PTPN3: variants seen among roughly 807,000 people sequenced by gnomAD.
PTPN3 encodes the protein protein tyrosine phosphatase non-receptor type 3.
Under a neutral mutation model 132.7 loss-of-function variants are expected in PTPN3, and 96 were observed. The observed-to-expected ratio is 0.72, with a 90% CI of 0.61 to 0.86. The LOEUF (loss-of-function observed/expected upper bound fraction) is 0.86. Among genes scored for constraint, PTPN3 ranks in the 40% least tolerant of loss-of-function variants. PTPN3 has a pLI of 0.00. For missense variants in PTPN3, 1,125 were observed against 1,159.6 expected (o/e 0.97, Z 0.43); for synonymous variants, 398 against 429.0 (o/e 0.93, Z 0.89).
intron 14 of PTPN3, chr9:109,417,561 C>T (rs1034088885): frequency 3.2e-5 from 31 of 973,062 alleles, no homozygotes; most frequent in Non-Finnish European, 3.5e-5. Context: ...TTTCTCTCAC[C>T]AGGTACAGAC....
chr9:109,480,299 C>G (rs1168114018), intron 1 of PTPN3, among the ~76,000 whole-genome samples: 1 of 152,118 alleles, frequency 6.6e-6, no homozygotes, highest in Non-Finnish European at 1.5e-5. Flanking sequence ...TCCTTAGTAG[C>G]TGGGACTACA....
At chr9:109,496,722 C>T (rs1410924474) in intron 1 of PTPN3, among the ~76,000 whole-genome samples, 1 of 152,156 alleles carries the variant, frequency 6.6e-6, no homozygotes, top group African/African-American at 2.4e-5. Flanking sequence ...GCTGGGGTGG[C>T]ATTTTGCTCC....
chr9:109,415,865 G>A (rs971595333), intron 14 of PTPN3, among the ~76,000 whole-genome samples: 2 of 152,188 alleles, frequency 1.3e-5, no homozygotes, highest in African/African-American at 2.4e-5. Flanking sequence ...CCAACATGAG[G>A]AGCTGAGATT....
At chr9:109,535,424 G>A in the PTPN3 span, among the ~76,000 whole-genome samples, 81,949 of 152,016 alleles carry the variant, frequency 0.54, 23,321 homozygotes, top group East Asian at 0.85. Flanking sequence ...CCCAGGATAA[G>A]TAAAGTCCAA....
chr9:109,412,609 G>A (rs760322239), intron 14 of PTPN3, among the ~76,000 whole-genome samples: 7 of 152,098 alleles, frequency 4.6e-5, no homozygotes, highest in Non-Finnish European at 8.8e-5. Context: ...TCTTGACCTC[G>A]TGATCCACCT....
chr9:109,505,804 C>T, the PTPN3 span, among the ~76,000 whole-genome samples: 3 of 151,346 alleles, frequency 2.0e-5, no homozygotes, highest in East Asian at 2.0e-4. Flanking sequence ...GGCTTGAGTG[C>T]AGTGGCGTGA....
intron 1 of PTPN3, among the ~76,000 whole-genome samples, chr9:109,471,097 C>T (rs962146530): frequency 6.6e-6 from 1 of 150,608 alleles, no homozygotes; most frequent in African/African-American, 2.5e-5. Flanking sequence ...CTCACTCTTG[C>T]CCAGGCTGGA....
At chr9:109,434,557 C>T (rs537548747) in intron 9 of PTPN3, among the ~76,000 whole-genome samples, 25 of 152,306 alleles carry the variant, frequency 1.6e-4, no homozygotes, top group African/African-American at 5.8e-4. Flanking sequence ...ATCCTCCTGC[C>T]TCGGCCTCCC....
intron 10 of PTPN3, 114 bp from the exon 11 acceptor site, chr9:109,428,798 G>A: frequency 6.9e-7 from 1 of 1,459,000 alleles, no homozygotes; most frequent in Non-Finnish European, 9.0e-7. Flanking sequence ...GGGGGCTCTT[G>A]GCTGCCTAGA....
chr9:109,452,031 A>G (rs1372758790), intron 5 of PTPN3, among the ~76,000 whole-genome samples: 3 of 152,188 alleles, frequency 2.0e-5, no homozygotes, highest in African/African-American at 7.2e-5. Context: ...GCACTTTGGG[A>G]GGCCGAGGCG....
chr9:109,533,352 G>T, the PTPN3 span: 2 of 556,762 alleles, frequency 3.6e-6, no homozygotes, highest in Non-Finnish European at 6.4e-6. Context: ...CACCTTGTTA[G>T]CCAGGATGGT....
the PTPN3 span, among the ~76,000 whole-genome samples, chr9:109,519,598 G>T: frequency 6.6e-5 from 10 of 152,172 alleles, no homozygotes; most frequent in Non-Finnish European, 1.3e-4. Context: ...TGACATGGTA[G>T]CGTTGGGACT....
At chr9:109,538,142 A>C in the PTPN3 span, among the ~76,000 whole-genome samples, 1 of 152,168 alleles carries the variant, frequency 6.6e-6, no homozygotes, top group South Asian at 2.1e-4. Flanking sequence ...TCCTCCCTTA[A>C]TGTTGGCTTT....
chr9:109,490,814 A>G (rs1461930729), intron 1 of PTPN3, among the ~76,000 whole-genome samples: 1 of 151,788 alleles, frequency 6.6e-6, no homozygotes, highest in Non-Finnish European at 1.5e-5. Flanking sequence ...TTTAAAGGAA[A>G]CTAACGAGAC....
At chr9:109,537,725 T>A in the PTPN3 span, among the ~76,000 whole-genome samples, 11 of 152,238 alleles carry the variant, frequency 7.2e-5, no homozygotes, top group Non-Finnish European at 1.6e-4. Context: ...GACACTTGAC[T>A]TCCTTTGGTC....
Position 109,410,074 on chromosome 9 carries a change from A to C in PTPN3, c.1503T>G (p.Asn501Lys), listed in dbSNP as rs1406121051. 5 of 1,614,108 alleles carry C rather than the reference A, an allele frequency of 3.1e-6. No homozygotes were observed. Among genetic ancestry groups the C allele is most frequent in the Non-Finnish European group, 4.2e-6 (5 of 1,180,046 alleles). ...EDASQYYCDK[N>K]DNGDSYLVLI... ...AGACTAAGTAGCTGTCACCATTATC[A>C]TTCTGGAAAACGGTTTGAAAGTGGT... The change falls in exon 16 of 26, where the codon AAT (asparagine) becomes AAG (lysine). Residue 501 changes from asparagine (N) to lysine (K), a missense_variant and splice_region_variant. By Grantham distance (94) the Asn-to-Lys change is moderately conservative. Coordinates refer to ENST00000374541, the MANE Select transcript of PTPN3 (RefSeq NM_002829.4).
intron 1 of PTPN3, among the ~76,000 whole-genome samples, chr9:109,468,683 T>C (rs1417940576): frequency 6.6e-6 from 1 of 152,124 alleles, no homozygotes; most frequent in Non-Finnish European, 1.5e-5. Flanking sequence ...CAGTTTTTAA[T>C]CAAAGATTAT....
chr9:109,396,352 G>C (rs909639140), intron 19 of PTPN3, among the ~76,000 whole-genome samples: 1 of 152,170 alleles, frequency 6.6e-6, no homozygotes, highest in Non-Finnish European at 1.5e-5. Context: ...GCCAGAGTAT[G>C]AGACATGGCT....
At chr9:109,508,150 C>T in the PTPN3 span, among the ~76,000 whole-genome samples, 1 of 144,856 alleles carries the variant, frequency 6.9e-6, no homozygotes, top group South Asian at 2.2e-4. Flanking sequence ...AGTATTTGAT[C>T]TGTTTCTCTC....
Sources: gnomAD v4.1 joint callset for allele counts (sites outside exome capture counted in the v4.1 genomes callset) on GRCh38, gnomAD v4.1.1 for gene constraint, MANE v1.5 for transcripts, NCBI Gene and HGNC (gene_info 2026-07-23, HGNC 2026-07-21) for gene names.